Variants in PSMD1 observed in about 807,000 individuals in gnomAD.
PSMD1 encodes the protein proteasome 26S subunit, non-ATPase 1.
PSMD1 carries 18 observed loss-of-function variants against 119.0 expected under a neutral mutation model. The observed-to-expected ratio is 0.15, with a 90% CI of 0.10 to 0.22. The LOEUF is 0.22. PSMD1 is among the 10% of genes least tolerant of loss of function. The pLI is 1.00. For missense variants in PSMD1, 702 were observed against 1,158.5 expected (o/e 0.61, Z 5.72); for synonymous variants, 374 against 396.6 (o/e 0.94, Z 0.68).
chr2:231,075,362 G>A, intron 7 of PSMD1, 149 bp from the exon 8 acceptor site: 1 of 591,744 alleles, frequency 1.7e-6, no homozygotes, highest in East Asian at 3.2e-5. Flanking sequence ...CTCCATCTTA[G>A]AGATGTGTAG....
At chr2:231,090,671 C>T (rs1039414342) in intron 16 of PSMD1, among the ~76,000 whole-genome samples, 1 of 152,210 alleles carries the variant, frequency 6.6e-6, no homozygotes, top group Non-Finnish European at 1.5e-5. Flanking sequence ...ATTCCAGATG[C>T]CATAAGAACA....
At chr2:231,060,161 A>T (rs1036448227) in intron 1 of PSMD1, among the ~76,000 whole-genome samples, 4 of 152,164 alleles carry the variant, frequency 2.6e-5, no homozygotes, top group Admixed American at 6.5e-5. Context: ...TTGAATTTTG[A>T]AATTTATCTG....
At chr2:231,099,338 C>T (rs1176870352) in intron 16 of PSMD1, among the ~76,000 whole-genome samples, 2 of 152,190 alleles carry the variant, frequency 1.3e-5, no homozygotes, top group African/African-American at 4.8e-5. Flanking sequence ...TGGACTTTTA[C>T]CATTAACATA....
At chr2:231,085,452 G>A (rs565188299) in intron 15 of PSMD1, among the ~76,000 whole-genome samples, 53 of 152,320 alleles carry the variant, frequency 3.5e-4, no homozygotes, top group Middle Eastern at 3.4e-3. Context: ...ATTCAGTGAA[G>A]AACAGGAACC....
At chr2:231,123,518 T>C (rs1187167769) in intron 16 of PSMD1, 1 of 1,613,944 alleles carries the variant, frequency 6.2e-7, no homozygotes, top group South Asian at 1.1e-5. Context: ...TGCAGCTTCT[T>C]CTCCAGTGAA....
At chr2:231,112,411 T>C (rs1316960464) in intron 16 of PSMD1, among the ~76,000 whole-genome samples, 1 of 152,236 alleles carries the variant, frequency 6.6e-6, no homozygotes, top group African/African-American at 2.4e-5. Context: ...TTCTTGACCC[T>C]GTTTTCTTCC....
At chr2:231,167,308 T>C (rs1024655505) in intron 23 of PSMD1, among the ~76,000 whole-genome samples, 2 of 152,164 alleles carry the variant, frequency 1.3e-5, no homozygotes, top group African/African-American at 4.8e-5. Flanking sequence ...ACAGATGTAT[T>C]AGGACACAAC....
intron 16 of PSMD1, among the ~76,000 whole-genome samples, chr2:231,107,534 G>T (rs903017289): frequency 2.0e-5 from 3 of 152,160 alleles, no homozygotes; most frequent in African/African-American, 4.8e-5. Flanking sequence ...CATAAGAATT[G>T]TATAAAATGC....
chr2:231,062,542 G>A lies in PSMD1; in HGVS notation c.171G>A (p.Arg57=), dbSNP rs1232383969. The A allele has an allele frequency of 2.5e-6, 4 of 1,603,888 alleles. No homozygotes were observed. The highest frequency in any genetic ancestry group is 3.4e-6 in the Non-Finnish European group (4 of 1,176,984). The part of the protein sequence containing the change: ...VLYEDEGFRS[R]QFAALVASKV... ...ACGAAGATGAAGGTTTCCGGAGTCG[G>A]CAGTTTGCAGCCTTAGTGGCATCTA... The change falls in exon 4 of 25, where the codon CGG becomes CGA. Residue 57 remains arginine (R), a synonymous_variant. Coordinates refer to ENST00000308696, the MANE Select transcript of PSMD1 (RefSeq NM_002807.4).
chr2:231,127,579 T>G (rs1022924942), intron 16 of PSMD1, among the ~76,000 whole-genome samples: 1 of 152,164 alleles, frequency 6.6e-6, no homozygotes, highest in Non-Finnish European at 1.5e-5. Flanking sequence ...GGTCTCGAAC[T>G]CTTGACCTCA....
intron 16 of PSMD1, chr2:231,108,803 A>G (rs749886540): frequency 3.7e-5 from 59 of 1,614,052 alleles, no homozygotes; most frequent in Non-Finnish European, 4.8e-5. Context: ...TGCATCCCGA[A>G]ATGTCTTATT....
intron 16 of PSMD1, among the ~76,000 whole-genome samples, chr2:231,129,322 A>C (rs904853404): frequency 6.6e-6 from 1 of 152,226 alleles, no homozygotes; most frequent in African/African-American, 2.4e-5. Flanking sequence ...TAATGCTGCA[A>C]CTTTGAATAT....
At chr2:231,064,704 T>G (rs1356942091) in intron 4 of PSMD1, among the ~76,000 whole-genome samples, 2 of 152,330 alleles carry the variant, frequency 1.3e-5, no homozygotes, top group East Asian at 3.9e-4. Flanking sequence ...TTTTCTCTGT[T>G]GCCCGGGCTG....
chr2:231,132,526 G>A (rs1351527223), intron 16 of PSMD1, among the ~76,000 whole-genome samples: 1 of 152,134 alleles, frequency 6.6e-6, no homozygotes, highest in Non-Finnish European at 1.5e-5. Flanking sequence ...CCAAAGTTCT[G>A]GTTCTGATCC....
chr2:231,108,721 CT>C, intron 16 of PSMD1: 1 of 1,614,110 alleles, frequency 6.2e-7, no homozygotes, highest in Non-Finnish European at 8.5e-7. Context: ...GGAAGTAGAT[CT>C]TACTGGAGCG....
chr2:231,057,145 C>G (rs2125145440), intron 1 of PSMD1, 104 bp downstream of exon 1: 2 of 1,370,518 alleles, frequency 1.5e-6, no homozygotes, highest in South Asian at 3.1e-5. Context: ...GGAACGCCGG[C>G]CTGGGCAGCT....
In PSMD1 at chr2:231,080,072, A is replaced by C. The variant is rs746826745; in HGVS notation, c.1240-69A>C. The C allele has an allele frequency of 6.1e-4, 840 of 1,383,250 alleles. 1 individual carries two copies. The highest frequency in any genetic ancestry group is 7.7e-4 in the Non-Finnish European group (781 of 1,015,242). 85.7% of individuals were successfully genotyped at this position (1,383,250 alleles called of 1,614,324 possible). On this transcript the variant is annotated intron_variant, in intron 11 of 24. Coordinates refer to ENST00000308696, the MANE Select transcript of PSMD1 (RefSeq NM_002807.4). ...ACATTCTGGGGAAAAGGCAGTAATC[A>C]TAGAAAACATTGTCTTTTTTCTTCT...
intron 16 of PSMD1, among the ~76,000 whole-genome samples, chr2:231,088,504 C>A (rs990344402): frequency 5.9e-5 from 9 of 152,180 alleles, no homozygotes; most frequent in Admixed American, 5.9e-4. Flanking sequence ...TTTGGTAATC[C>A]TCACAATATT....
At chr2:231,080,738 T>C (rs967212742) in intron 12 of PSMD1, among the ~76,000 whole-genome samples, 2 of 152,208 alleles carry the variant, frequency 1.3e-5, no homozygotes, top group African/African-American at 2.4e-5. Context: ...CCTGTTCTTA[T>C]TTTAAGGAAC....
Sources: allele counts gnomAD v4.1 joint callset (sites outside exome capture counted in the v4.1 genomes callset), GRCh38; gene constraint gnomAD v4.1.1; transcripts MANE v1.5; gene names NCBI Gene and HGNC (gene_info 2026-07-23, HGNC 2026-07-21).